Variants in GPR158 observed in about 807,000 individuals in gnomAD.
The protein encoded by GPR158 is G protein-coupled receptor 158.
GPR158 carries 30 observed loss-of-function variants against 78.2 expected under a neutral mutation model. That is an observed-to-expected ratio of 0.38 (90% CI 0.29 to 0.52). The LOEUF is 0.52. GPR158 is among the 20% of genes least tolerant of loss of function. The probability of loss-of-function intolerance (pLI) is 0.83; values close to 1 mark genes in which losing one functional copy is unlikely to be tolerated. For missense variants in GPR158, 1,463 were observed against 1,523.5 expected (o/e 0.96, Z 0.66); for synonymous variants, 581 against 591.1 (o/e 0.98, Z 0.25).
rs551298219 is a variant in GPR158 at position 25,349,440 on chromosome 10, C to A, written c.1009-46471C>A. ...CCCCACCAAAATCTCATTTTGAGTTCCCAGTGTTGGAGGAAGGACCTGGTG... is the reference window on the plus strand; with the variant it reads ...CCCCACCAAAATCTCATTTTGAGTTACCAGTGTTGGAGGAAGGACCTGGTG... On this transcript the variant is annotated intron_variant, in intron 2 of 10. Transcript: ENST00000376351. Among the ~76,000 whole-genome samples, 14 of 129,140 alleles carry A rather than the reference C, an allele frequency of 1.1e-4. 1 individual carries two copies. Among genetic ancestry groups the A allele is most frequent in the Non-Finnish European group, 1.7e-4 (11 of 66,208 alleles). The allele number at this position is 129,140 out of a possible 152,430, so 84.7% of individuals were successfully genotyped here.
chr10:25,176,268 T>G lies in GPR158; in HGVS notation c.848T>G (p.Val283Gly). 1 of 1,610,206 alleles carries G rather than the reference T, an allele frequency of 6.2e-7. No individual in the cohort carries two copies. Among genetic ancestry groups the G allele is most frequent in the East Asian group, 2.2e-5 (1 of 44,804 alleles). Residue 283 changes from valine to glycine, a missense_variant, in exon 1 of 11, where the codon GTT becomes GGT. Transcript: ENST00000376351. This position sits in a 1 kb window ranked among gnomAD's most constrained non-coding sequence, Gnocchi z 6.3. Reference sequence around the variant, plus strand: ...GGGAGTTACAAGCCCGGGTGGCTGGTTACTCTTTCCTCTGCCATCTACGGG... The same window carrying G: ...GGGAGTTACAAGCCCGGGTGGCTGGGTACTCTTTCCTCTGCCATCTACGGG... ...ENGSYKPGWL[V>G]TLSSAIYGLQ...
rs1159965191 is a variant in GPR158 at position 25,533,808 on chromosome 10, C to A, written c.1405-17168C>A. 1.3e-5 allele frequency among the ~76,000 whole-genome samples: 2 copies of A among 152,074 alleles called. 1 individual carries two copies. Among genetic ancestry groups the A allele is most frequent in the Non-Finnish European group, 2.9e-5 (2 of 68,018 alleles). ...TGTAAAGGTAAGGTGTATTGCATAG[C>A]AATAATGAGCTCAGACTCCAGACCC... On this transcript the variant is annotated intron_variant, in intron 5 of 10. Coordinates refer to ENST00000376351, the MANE Select transcript of GPR158 (RefSeq NM_020752.3).
At chr10:25,409,858 T>G (rs866599886) in intron 3 of GPR158, among the ~76,000 whole-genome samples, 30 of 152,126 alleles carry the variant, frequency 2.0e-4, no homozygotes, top group African/African-American at 6.5e-4. Context: ...CAACCATGAG[T>G]TTTTCTTGCT....
At chr10:25,223,307 C>T (rs1853325775) in intron 2 of GPR158, among the ~76,000 whole-genome samples, 1 of 152,136 alleles carries the variant, frequency 6.6e-6, no homozygotes, top group South Asian at 2.1e-4. Context: ...TCATTCTCGC[C>T]CCCTTTCATT....
At chr10:25,515,152 G>A (rs998608981) in intron 5 of GPR158, among the ~76,000 whole-genome samples, 1 of 151,404 alleles carries the variant, frequency 6.6e-6, no homozygotes, top group Admixed American at 6.6e-5. Context: ...TCTTAGCTTT[G>A]GTCATTTAAC....
chr10:25,264,033 G>T (rs1418854630), intron 2 of GPR158, among the ~76,000 whole-genome samples: 1 of 152,176 alleles, frequency 6.6e-6, no homozygotes, highest in Non-Finnish European at 1.5e-5. Context: ...TTGTCTTCAA[G>T]AAAATCATTC....
At chr10:25,461,278 C>T (rs141249603) in intron 4 of GPR158, among the ~76,000 whole-genome samples, 47 of 152,172 alleles carry the variant, frequency 3.1e-4, no homozygotes, top group African/African-American at 1.1e-3. Context: ...ACTAACTAGC[C>T]GATTTGTAAA....
chr10:25,369,659 C>G (rs1182049968), intron 2 of GPR158, among the ~76,000 whole-genome samples: 2 of 151,786 alleles, frequency 1.3e-5, no homozygotes, highest in African/African-American at 4.8e-5. Context: ...CCCAGCTTTG[C>G]TGTCAGGATG....
chr10:25,322,848 T>G (rs2262989), intron 2 of GPR158, among the ~76,000 whole-genome samples: 95,451 of 151,812 alleles, frequency 0.63, 32,109 homozygotes, highest in Non-Finnish European at 0.78. Context: ...AAGTCTTTTT[T>G]TTTGTTTGTT....
intron 4 of GPR158, among the ~76,000 whole-genome samples, chr10:25,415,487 A>G (rs1414291233): frequency 6.6e-6 from 1 of 152,124 alleles, no homozygotes; most frequent in Non-Finnish European, 1.5e-5. Flanking sequence ...AGCTAAAAAT[A>G]GAAAAGATGG....
At chr10:25,451,757 G>C (rs892483417) in intron 4 of GPR158, among the ~76,000 whole-genome samples, 1 of 152,130 alleles carries the variant, frequency 6.6e-6, no homozygotes, top group East Asian at 1.9e-4. Flanking sequence ...TGTTTTGTGG[G>C]GTTAATAAGT....
At chr10:25,261,103 A>G (rs1170716454) in intron 2 of GPR158, among the ~76,000 whole-genome samples, 9 of 152,140 alleles carry the variant, frequency 5.9e-5, no homozygotes, top group Non-Finnish European at 1.2e-4. Flanking sequence ...GGAAGCTTTT[A>G]AAAATCCTGA....
chr10:25,215,738 G>T (rs1278081787), intron 1 of GPR158, among the ~76,000 whole-genome samples: 2 of 152,198 alleles, frequency 1.3e-5, no homozygotes, highest in Non-Finnish European at 2.9e-5. Flanking sequence ...AGGAGGCTGA[G>T]GCAGGAGAAT....
At chr10:25,494,571 C>T (rs983887065) in intron 5 of GPR158, among the ~76,000 whole-genome samples, 9 of 152,154 alleles carry the variant, frequency 5.9e-5, no homozygotes, top group African/African-American at 1.7e-4. Flanking sequence ...AGCAACATTA[C>T]AGCTTATAAC....
chr10:25,295,430 T>C (rs1210555368), intron 2 of GPR158, among the ~76,000 whole-genome samples: 1 of 152,168 alleles, frequency 6.6e-6, no homozygotes, highest in Admixed American at 6.5e-5. Flanking sequence ...TTCTTTTTTT[T>C]TGAGACGAAG....
At chr10:25,560,639 C>T (rs774847579) in intron 6 of GPR158, among the ~76,000 whole-genome samples, 28 of 152,164 alleles carry the variant, frequency 1.8e-4, no homozygotes, top group Admixed American at 1.3e-3. Flanking sequence ...TGTGCAACTA[C>T]GCTTTGAGAA....
chr10:25,457,140 CTTTTTTTTTTT>C (rs11384299), intron 4 of GPR158, among the ~76,000 whole-genome samples: 2 of 59,418 alleles, frequency 3.4e-5, no homozygotes, highest in South Asian at 9.3e-4. Flanking sequence ...CCATGCCCAC[CTTTTTTTTTTT>C]TTTTTTTTTT....
intron 5 of GPR158, 74 bp downstream of exon 5, chr10:25,466,793 CACACACACACACAT>C: frequency 4.6e-6 from 3 of 656,900 alleles, no homozygotes; most frequent in South Asian, 4.2e-5. Flanking sequence ...TGTTTACACA[CACACACACACACAT>C]ACACACACCC....
rs1837455270 is a variant in GPR158 at position 25,599,020 on chromosome 10, G to A, written c.3394G>A (p.Glu1132Lys). 1 of 1,614,012 alleles carries A rather than the reference G, an allele frequency of 6.2e-7. No individual in the cohort carries two copies. Among genetic ancestry groups the A allele is most frequent in the South Asian group, 1.1e-5 (1 of 91,082 alleles). Reference protein sequence around the residue: ...PKAVASKTENENLNQIGHQEK... With the variant: ...PKAVASKTENKNLNQIGHQEK... ...AGCTGTAGCATCAAAAACAGAGAAT[G>A]AAAATCTCAACCAAATAGGACACCA... Residue 1132 changes from glutamate to lysine, a missense_variant, in exon 11 of 11, where the codon GAA (glutamate) becomes AAA (lysine). Physicochemically the swap from Glu to Lys is moderately conservative, Grantham distance 56. Transcript: ENST00000376351.
Sources: gnomAD v4.1 joint callset for allele counts (sites outside exome capture counted in the v4.1 genomes callset) on GRCh38, gnomAD v4.1.1 for gene constraint, Gnocchi (gnomAD v3.1) non-coding constraint, MANE v1.5 for transcripts, NCBI Gene and HGNC (gene_info 2026-07-23, HGNC 2026-07-21) for gene names.